NMRK1: variants seen among roughly 807,000 people sequenced by gnomAD.
NMRK1 encodes the protein NRK 1.
NMRK1 carries 28 observed loss-of-function variants against 29.9 expected under a neutral mutation model. The observed-to-expected ratio is 0.94, with a 90% confidence interval of 0.69 to 1.28. NMRK1 has a LOEUF of 1.28. NMRK1 is among the 50% of genes most tolerant of loss of function. The pLI is 0.00. For synonymous variants in NMRK1, 58 were observed against 73.0 expected (o/e 0.79, Z 1.05); for missense variants, 218 against 233.1 (o/e 0.94, Z 0.42).
At chr9:75,076,295 G>C (rs1037691428) in intron 4 of NMRK1, among the ~76,000 whole-genome samples, 3 of 152,142 alleles carry the variant, frequency 2.0e-5, no homozygotes, top group African/African-American at 7.2e-5. Context: ...GGAACGGGAG[G>C]CCATTATGTT....
At chr9:75,082,371 T>C (rs780296971) in intron 2 of NMRK1, among the ~76,000 whole-genome samples, 5 of 152,204 alleles carry the variant, frequency 3.3e-5, no homozygotes, top group Non-Finnish European at 7.3e-5. Context: ...CTTACTATGG[T>C]AATGTAATAC....
At chr9:75,066,396 A>C (rs1354349692) in intron 8 of NMRK1, 6 of 423,152 alleles carry the variant, frequency 1.4e-5, no homozygotes, top group African/African-American at 1.0e-4. Flanking sequence ...AAGGGAATAA[A>C]AGAAAAGGGG....
In NMRK1 at chr9:75,066,814, C is replaced by T; in HGVS notation, c.523G>A (p.Glu175Lys). Reference protein sequence around the residue: ...VVYLDGTKSEEDLFLQVYEDL... With the variant: ...VVYLDGTKSEKDLFLQVYEDL... ...TCATATACTTGCAAAAAGAGGTCCTCTTCAGATTTTGTTCCATCCAGGTAC... is the reference window on the plus strand; with the variant it reads ...TCATATACTTGCAAAAAGAGGTCCTTTTCAGATTTTGTTCCATCCAGGTAC... Residue 175 changes from glutamate to lysine, a missense_variant, in exon 8 of 9, where the codon GAG becomes AAG. Glu to Lys is a moderately conservative substitution (Grantham distance 56, BLOSUM62 1). Coordinates refer to ENST00000361092, the MANE Select transcript of NMRK1 (RefSeq NM_017881.3). 2 of 1,608,652 alleles carry T rather than the reference C, an allele frequency of 1.2e-6. No homozygotes were observed. Among genetic ancestry groups the T allele is most frequent in the Non-Finnish European group, 1.7e-6 (2 of 1,175,272 alleles).
chr9:75,078,667 G>C (rs1824150373), intron 2 of NMRK1: 1 of 584,072 alleles, frequency 1.7e-6, no homozygotes, highest in South Asian at 7.6e-5. Flanking sequence ...CAGAAATTTA[G>C]CATCTCCTTT....
chr9:75,060,969 T>C lies in NMRK1; in HGVS notation c.*579A>G, dbSNP rs1822989548. On this transcript the variant is annotated 3_prime_UTR_variant, in exon 9 of 9. Coordinates refer to ENST00000361092, the MANE Select transcript of NMRK1 (RefSeq NM_017881.3). ...ATTTATTCATTGTGACTGCAGCTCC[T>C]AGTAATGCTATTATTTGCAGGTGGT... The C allele has an allele frequency of 6.6e-6, 1 of 152,306 alleles. No homozygotes were observed. The highest frequency in any genetic ancestry group is 2.4e-5 in the African/African-American group (1 of 41,312). The allele number at this position is 152,306 out of a possible 1,614,324, so 9.4% of individuals were successfully genotyped here.
chr9:75,071,903 C>T (rs974351480), intron 4 of NMRK1, among the ~76,000 whole-genome samples: 1 of 152,124 alleles, frequency 6.6e-6, no homozygotes. Flanking sequence ...CTGAGTACTG[C>T]CAGGTGGAGG....
At chr9:75,066,936 G>C (rs944599973) in intron 7 of NMRK1, 96 bp from the exon 8 acceptor site, 2 of 704,508 alleles carry the variant, frequency 2.8e-6, no homozygotes, top group Admixed American at 5.0e-5. Context: ...ATGCCAATAG[G>C]TTTAACCAAG....
chr9:75,077,140 G>C lies in NMRK1; in HGVS notation c.169+19C>G, dbSNP rs944925956. On this transcript the variant is annotated intron_variant, in intron 4 of 8. Transcript: ENST00000361092. ...AAATGAACATAAGCATATAATATTT[G>C]ACAAGTAAATCTACTTACCATCGTA... 1 of 1,424,570 alleles carries C rather than the reference G, an allele frequency of 7.0e-7. No homozygotes were observed. The highest frequency in any genetic ancestry group is 9.8e-7 in the Non-Finnish European group (1 of 1,016,324). 88.2% of individuals were successfully genotyped at this position (1,424,570 alleles called of 1,614,324 possible).
chr9:75,078,026 A>G (rs2118185783), intron 2 of NMRK1, among the ~76,000 whole-genome samples: 1 of 152,368 alleles, frequency 6.6e-6, no homozygotes, highest in East Asian at 1.9e-4. Flanking sequence ...AGTGCCTTAA[A>G]CCACAGGCAC....
chr9:75,085,726 GTTTTTTTTTTTTTT>G (rs58741153), intron 1 of NMRK1, among the ~76,000 whole-genome samples: 16 of 85,130 alleles, frequency 1.9e-4, no homozygotes, highest in Non-Finnish European at 3.0e-4. Context: ...TCAAATGTAA[GTTTTTTTTTTTTTT>G]TTTTTTTTTT....
At chr9:75,077,382 A>G in intron 3 of NMRK1, 108 bp downstream of exon 3, 1 of 947,158 alleles carries the variant, frequency 1.1e-6, no homozygotes, top group South Asian at 1.5e-5. Flanking sequence ...GCCTAATTTC[A>G]ATACAAAACG....
At chr9:75,078,575 G>T in intron 2 of NMRK1, 1 of 1,266,546 alleles carries the variant, frequency 7.9e-7, no homozygotes, top group Non-Finnish European at 9.9e-7. Flanking sequence ...TTAACCTGGG[G>T]CTCATGTCTG....
chr9:75,079,669 A>C (rs963739698), intron 2 of NMRK1, among the ~76,000 whole-genome samples: 1 of 152,218 alleles, frequency 6.6e-6, no homozygotes, highest in Non-Finnish European at 1.5e-5. Flanking sequence ...CAGACTGCAG[A>C]CATCCTGGTC....
rs929515848 is a variant in NMRK1 at position 75,070,187 on chromosome 9, G to C, written c.170-145C>G. 1.8e-5 allele frequency: 11 copies of C among 601,118 alleles called. No individual in the cohort carries two copies. The South Asian group carries it at 2.8e-4, about 15-fold the overall frequency. The allele number at this position is 601,118 out of a possible 1,614,324, so 37.2% of individuals were successfully genotyped here. A position where few individuals can be genotyped will look rare whatever the true frequency, so the allele number is the denominator to read the frequency against. On this transcript the variant is annotated intron_variant, in intron 4 of 8. Transcript: ENST00000361092. ...AAAACTCCTAATAACAAATAATTTA[G>C]ATAACATGTGGAAACTCTAATGCTG...
intron 4 of NMRK1, among the ~76,000 whole-genome samples, chr9:75,075,339 C>T (rs970613983): frequency 9.7e-5 from 10 of 103,524 alleles, no homozygotes; most frequent in African/African-American, 1.3e-4. Context: ...AACCTCTGGA[C>T]GAGAGGAAGA....
At chr9:75,064,630 G>A (rs1823233675) in intron 8 of NMRK1, among the ~76,000 whole-genome samples, 1 of 152,156 alleles carries the variant, frequency 6.6e-6, no homozygotes, top group Non-Finnish European at 1.5e-5. Context: ...TATATGATGG[G>A]CTGATCCTGA....
chr9:75,063,516 G>T (rs1046792320), intron 8 of NMRK1, among the ~76,000 whole-genome samples: 2 of 151,986 alleles, frequency 1.3e-5, no homozygotes, highest in Admixed American at 6.6e-5. Flanking sequence ...TCATACTTTG[G>T]ATTTAAATAA....
At chr9:75,082,777 G>A (rs1824392723) in intron 2 of NMRK1, 1 of 377,406 alleles carries the variant, frequency 2.6e-6, no homozygotes, top group African/African-American at 2.1e-5. Flanking sequence ...GAATGATATG[G>A]GGAATGATAA....
intron 2 of NMRK1, among the ~76,000 whole-genome samples, chr9:75,081,896 G>C (rs1225472858): frequency 6.6e-6 from 1 of 152,150 alleles, no homozygotes; most frequent in African/African-American, 2.4e-5. Context: ...AGATCTTTGT[G>C]ACCAAAAGGA....
Sources: gnomAD v4.1 joint callset for allele counts (sites outside exome capture counted in the v4.1 genomes callset) on GRCh38, gnomAD v4.1.1 for gene constraint, MANE v1.5 for transcripts, NCBI Gene and HGNC (gene_info 2026-07-23, HGNC 2026-07-21) for gene names.